XKR4: variants seen among roughly 807,000 people sequenced by gnomAD.
XKR4 encodes the protein XK related 4, also known as XK-related protein 4.
XKR4 carries 12 observed loss-of-function variants against 53.9 expected under a neutral mutation model. The ratio of observed to expected loss-of-function variants is 0.22; its 90% CI spans 0.14 to 0.36. The LOEUF (loss-of-function observed/expected upper bound fraction) is 0.36. Ranked by LOEUF, XKR4 falls within the 10% of genes least tolerant of loss-of-function variation. The pLI is 1.00. For synonymous variants in XKR4, 354 were observed against 362.4 expected, an observed-to-expected ratio of 0.98 and a Z score of 0.26; for missense variants, 799 against 859.5, an observed-to-expected ratio of 0.93 and a Z score of 0.88.
At chr8:55,151,228 A>G (rs1816835716) in intron 1 of XKR4, among the ~76,000 whole-genome samples, 1 of 152,218 alleles carries the variant, frequency 6.6e-6, no homozygotes, top group African/African-American at 2.4e-5. Flanking sequence ...TTAAATCTAG[A>G]ATTTATACTT....
intron 2 of XKR4, among the ~76,000 whole-genome samples, chr8:55,389,675 C>A (rs1209031331): frequency 1.3e-5 from 2 of 152,106 alleles, no homozygotes; most frequent in African/African-American, 4.8e-5. Flanking sequence ...GTCTCGCAAT[C>A]ATTTACTCAT....
intron 2 of XKR4, among the ~76,000 whole-genome samples, chr8:55,500,077 T>A (rs572803135): frequency 1.5e-4 from 22 of 151,324 alleles, no homozygotes; most frequent in African/African-American, 5.1e-4. Flanking sequence ...TTTTACTGCC[T>A]GAAAGGTGTC....
intron 1 of XKR4, among the ~76,000 whole-genome samples, chr8:55,188,478 C>T (rs557333091): frequency 1.3e-5 from 2 of 152,238 alleles, no homozygotes; most frequent in African/African-American, 4.8e-5. Context: ...AGAATAAGAC[C>T]TCAAGTTGAG....
chr8:55,486,366 AAAG>A (rs1270128692), intron 2 of XKR4, among the ~76,000 whole-genome samples: 2 of 152,232 alleles, frequency 1.3e-5, no homozygotes, highest in African/African-American at 4.8e-5. Context: ...AGATGCACAA[AAAG>A]AAGATCTCTA....
chr8:55,396,602 C>T (rs572894959), intron 2 of XKR4, among the ~76,000 whole-genome samples: 16 of 151,890 alleles, frequency 1.1e-4, no homozygotes, highest in East Asian at 1.9e-4. Context: ...TAGTTAGAGC[C>T]GGCATCTCTA....
chr8:55,332,734 C>T (rs1263044363), intron 1 of XKR4, among the ~76,000 whole-genome samples: 3 of 151,954 alleles, frequency 2.0e-5, no homozygotes, highest in African/African-American at 7.2e-5. Context: ...GTTCATTCAG[C>T]TGTTTGTATT....
intron 1 of XKR4, among the ~76,000 whole-genome samples, chr8:55,224,309 ATT>A (rs1817923804): frequency 6.6e-6 from 1 of 152,210 alleles, no homozygotes; most frequent in Admixed American, 6.5e-5. Context: ...AATATGGATA[ATT>A]GTCAAACAAT....
chr8:55,280,772 A>G (rs756316989), intron 1 of XKR4, among the ~76,000 whole-genome samples: 44 of 152,198 alleles, frequency 2.9e-4, no homozygotes, highest in African/African-American at 2.2e-4. Context: ...TGAGGTATCA[A>G]TGGCCTTACT....
chr8:55,428,490 G>T (rs1036026882), intron 2 of XKR4, among the ~76,000 whole-genome samples: 2 of 152,132 alleles, frequency 1.3e-5, no homozygotes, highest in African/African-American at 4.8e-5. Flanking sequence ...CATTTACACC[G>T]CCAAGGCTAA....
chr8:55,406,114 G>A (rs565861428), intron 2 of XKR4, among the ~76,000 whole-genome samples: 2 of 152,272 alleles, frequency 1.3e-5, no homozygotes, highest in South Asian at 4.2e-4. Context: ...CTGAGACATG[G>A]CCTTTGGATA....
intron 2 of XKR4, among the ~76,000 whole-genome samples, chr8:55,429,249 A>G (rs1585568608): frequency 1.3e-5 from 2 of 152,240 alleles, no homozygotes; most frequent in East Asian, 3.8e-4. Context: ...TTCAGCCTAA[A>G]TCTCACTTCT....
At chr8:55,496,606 C>A (rs1045398835) in intron 2 of XKR4, among the ~76,000 whole-genome samples, 1 of 152,182 alleles carries the variant, frequency 6.6e-6, no homozygotes, top group Non-Finnish European at 1.5e-5. Context: ...CAACTTTGGA[C>A]AAATTTCTTC....
At chr8:55,324,719 C>A (rs1352199070) in intron 1 of XKR4, among the ~76,000 whole-genome samples, 2 of 152,102 alleles carry the variant, frequency 1.3e-5, no homozygotes, top group African/African-American at 4.8e-5. Flanking sequence ...ATGTGTATGT[C>A]TAATTTCTGT....
At chr8:55,391,591 A>T (rs1804443994) in intron 2 of XKR4, among the ~76,000 whole-genome samples, 1 of 152,228 alleles carries the variant, frequency 6.6e-6, no homozygotes, top group Non-Finnish European at 1.5e-5. Flanking sequence ...AAAAGCAAAC[A>T]CTAAAAGGGT....
chr8:55,361,256 G>T (rs1803901756), intron 2 of XKR4, among the ~76,000 whole-genome samples: 1 of 152,136 alleles, frequency 6.6e-6, no homozygotes, highest in South Asian at 2.1e-4. Flanking sequence ...CTCACTAGGA[G>T]AGAGGCGGAG....
At chr8:55,180,253 A>C (rs537717013) in intron 1 of XKR4, among the ~76,000 whole-genome samples, 1 of 152,364 alleles carries the variant, frequency 6.6e-6, no homozygotes, top group South Asian at 2.1e-4. Context: ...GTAAAGGCAC[A>C]GCTGCATGGA....
In XKR4 at chr8:55,148,233, C is replaced by T. The variant is rs370830201; in HGVS notation, c.806+44939C>T. Among the ~76,000 whole-genome samples the T allele has an allele frequency of 8.5e-5, 13 of 152,164 alleles. No individual in the cohort carries two copies. In the East Asian group the frequency reaches 1.4e-3, roughly 16 times the overall value. On this transcript the variant is annotated intron_variant, in intron 1 of 2. Coordinates refer to ENST00000327381, the MANE Select transcript of XKR4 (RefSeq NM_052898.2). ...CAGCCTGGACAACATGGTGTAACCC[C>T]GTCTCTACTAAAAATACAAAAATTA...
intron 2 of XKR4, among the ~76,000 whole-genome samples, chr8:55,506,604 C>T (rs570557909): frequency 1.3e-5 from 2 of 152,196 alleles, no homozygotes; most frequent in Non-Finnish European, 1.5e-5. Context: ...ATGTGCATAC[C>T]AGTCCATTAT....
At position 55,540,228 on chromosome 8, in the gene XKR4, G is replaced by GT. The variant is rs1807081407; in HGVS notation, c.*16002dup. On this transcript the variant is annotated 3_prime_UTR_variant, in exon 3 of 3. Coordinates refer to ENST00000327381, the MANE Select transcript of XKR4 (RefSeq NM_052898.2). ...ATCACATATGTGATGCTTTGTAAAT[G>GT]TATTAATTGTGGTCAATTTTCATGG... The GT allele has an allele frequency of 6.6e-6, 1 of 152,198 alleles. No individual in the cohort carries two copies. The highest frequency in any genetic ancestry group is 1.5e-5 in the Non-Finnish European group (1 of 68,036). 9.4% of individuals were successfully genotyped at this position (152,198 alleles called of 1,614,324 possible). A position where few individuals can be genotyped will look rare whatever the true frequency, so the allele number is the denominator to read the frequency against.
Sources: allele counts gnomAD v4.1 joint callset (sites outside exome capture counted in the v4.1 genomes callset), GRCh38; gene constraint gnomAD v4.1.1; transcripts MANE v1.5; gene names NCBI Gene and HGNC (gene_info 2026-07-23, HGNC 2026-07-21).